FAM234A: variants seen among roughly 807,000 people sequenced by gnomAD.
The protein encoded by FAM234A is family with sequence similarity 234 member A.
In FAM234A, 42 loss-of-function variants were observed where a neutral mutation model predicts 49.1. The ratio of observed to expected loss-of-function variants is 0.86; its 90% CI spans 0.67 to 1.11. The LOEUF is 1.11. Among genes scored for constraint, FAM234A ranks in the 50% least tolerant of loss-of-function variants. The pLI, the probability that FAM234A is intolerant of heterozygous loss-of-function variation, is 0.00. For missense variants in FAM234A, 815 were observed against 745.2 expected, an observed-to-expected ratio of 1.09 and a Z score of -1.09; for synonymous variants, 369 against 316.2, an observed-to-expected ratio of 1.17 and a Z score of -1.77.
intron 10 of FAM234A, 115 bp from the exon 11 acceptor site, chr16:263,901 C>A: frequency 7.1e-7 from 1 of 1,416,500 alleles, no homozygotes; most frequent in Non-Finnish European, 9.9e-7. Context: ...TTCTGCCTCC[C>A]TCAGAGCATC....
downstream of FAM234A, chr16:269,305 C>T (rs767291709): frequency 2.5e-5 from 40 of 1,590,198 alleles, no homozygotes; most frequent in South Asian, 1.4e-4. Flanking sequence ...GGCCACAAGC[C>T]GCTGTGGGCT....
chr16:262,149 C>G lies in FAM234A; in HGVS notation c.765C>G (p.Ser255Arg). 1 of 1,614,070 alleles carries G rather than the reference C, an allele frequency of 6.2e-7. No individual in the cohort carries two copies. Among genetic ancestry groups the G allele is most frequent in the South Asian group, 1.1e-5 (1 of 91,080 alleles). ...STGHQIGLRG[S>R]LGVDGESGFL... ...GGCACCAGATTGGCCTCAGAGGCAG[C>G]CTTGGTGTGGACGGGGAAAGTGGCT... Residue 255 changes from serine to arginine, a missense_variant, in exon 7 of 13, where the codon AGC becomes AGG. Coordinates refer to ENST00000399932, the MANE Select transcript of FAM234A (RefSeq NM_032039.4).
chr16:264,235 C>A (rs754958364), intron 11 of FAM234A, 64 bp downstream of exon 11: 76 of 1,489,946 alleles, frequency 5.1e-5, no homozygotes, highest in Non-Finnish European at 6.5e-5. Flanking sequence ...GGCTGGAGCT[C>A]CACCGTGGAG....
At chr16:258,804 G>A (rs1011620049) in intron 3 of FAM234A, among the ~76,000 whole-genome samples, 2 of 152,208 alleles carry the variant, frequency 1.3e-5, no homozygotes, top group Non-Finnish European at 2.9e-5. Flanking sequence ...TGTTTTTTGA[G>A]ATGGACTCCA....
downstream of FAM234A, chr16:269,708 G>C (rs2051829430): frequency 1.3e-6 from 1 of 777,542 alleles, no homozygotes; most frequent in Admixed American, 2.6e-5. Flanking sequence ...GGCGGACAGG[G>C]TGCTGGAGGC....
At chr16:260,203 C>T (rs1485524936) in intron 5 of FAM234A, 43 bp downstream of exon 5, 3 of 1,566,096 alleles carry the variant, frequency 1.9e-6, no homozygotes, top group African/African-American at 2.7e-5. Flanking sequence ...GGGCCTCTCA[C>T]CTGAGCCACC....
At chr16:261,630 G>C (rs1025498450) in intron 6 of FAM234A, 116 bp downstream of exon 6, 2 of 1,293,200 alleles carry the variant, frequency 1.5e-6, no homozygotes, top group Non-Finnish European at 2.1e-6. Context: ...CCACTTGCCG[G>C]GGACTCGCCC....
chr16:244,217 C>A, intron 1 of FAM234A, among the ~76,000 whole-genome samples: 1 of 152,162 alleles, frequency 6.6e-6, no homozygotes, highest in Non-Finnish European at 1.5e-5. Context: ...ATCCACCCGC[C>A]TTGGCCTCCC....
intron 2 of FAM234A, among the ~76,000 whole-genome samples, chr16:252,039 T>C (rs1049951466): frequency 2.7e-5 from 4 of 149,758 alleles, no homozygotes; most frequent in African/African-American, 9.8e-5. Flanking sequence ...GTCTCTCTGT[T>C]GCCCAGGCTA....
intron 11 of FAM234A, 151 bp downstream of exon 11, chr16:264,322 G>A (rs779501759): frequency 2.7e-5 from 25 of 931,462 alleles, no homozygotes; most frequent in Non-Finnish European, 3.9e-5. Context: ...GGTGGTGCAA[G>A]CTGAGGCAAA....
chr16:238,636 G>A (rs1325721407), intron 1 of FAM234A, among the ~76,000 whole-genome samples: 3 of 151,358 alleles, frequency 2.0e-5, no homozygotes, highest in Non-Finnish European at 2.9e-5. Context: ...CGTGGTGACG[G>A]GTGCCTGTAG....
chr16:238,050 G>A (rs1340121171), intron 1 of FAM234A, among the ~76,000 whole-genome samples: 1 of 147,700 alleles, frequency 6.8e-6, no homozygotes, highest in Admixed American at 6.7e-5. Flanking sequence ...ATGGATTCTC[G>A]CTCTGTTGCC....
At position 263,681 on chromosome 16, in the gene FAM234A, T is replaced by C. The variant is rs769418862; in HGVS notation, c.1113-19T>C. Reference sequence around the variant, plus strand: ...CCTCACTGAGACCCCTCGTGAGCGCTTCCTCCATATTGTTCCAGAAAACCC... The same window carrying C: ...CCTCACTGAGACCCCTCGTGAGCGCCTCCTCCATATTGTTCCAGAAAACCC... On this transcript the variant is annotated intron_variant, in intron 9 of 12. Coordinates refer to ENST00000399932, the MANE Select transcript of FAM234A (RefSeq NM_032039.4). The C allele has an allele frequency of 8.1e-6, 13 of 1,602,862 alleles. No homozygotes were observed. The highest frequency in any genetic ancestry group is 2.7e-5 in the African/African-American group (2 of 74,700).
rs1157022145 is a variant in FAM234A, at chr16:254,447, C to T, written c.34C>T (p.His12Tyr). The change falls in exon 3 of 13, where the codon CAC becomes TAC. Residue 12 changes from histidine (H) to tyrosine (Y), a missense_variant. Physicochemically the swap from His to Tyr is moderately conservative, Grantham distance 83. Transcript: ENST00000399932. Reference protein sequence around the residue: ...LDHKDLEAEIHPLKNEERKSQ... With the variant: ...LDHKDLEAEIYPLKNEERKSQ... ...CCACAAGGACTTAGAGGCCGAAATC[C>T]ACCCCTTGAAAAATGAAGAAAGAAA... 63 of 1,614,032 alleles carry T rather than the reference C, an allele frequency of 3.9e-5. No individual in the cohort carries two copies. The highest frequency in any genetic ancestry group is 5.3e-5 in the Non-Finnish European group (63 of 1,180,030).
chr16:237,503 C>A (rs2050445913), intron 1 of FAM234A, among the ~76,000 whole-genome samples: 1 of 151,960 alleles, frequency 6.6e-6, no homozygotes, highest in Non-Finnish European at 1.5e-5. Context: ...TGGACCAGGG[C>A]TGGAGGATCT....
chr16:259,666 C>A, intron 4 of FAM234A, 67 bp downstream of exon 4: 1 of 1,014,724 alleles, frequency 9.9e-7, no homozygotes, highest in Non-Finnish European at 1.5e-6. Context: ...TTTGGGTCAC[C>A]CTCTCGCTTT....
chr16:264,154 G>A lies in FAM234A; in HGVS notation c.1327G>A (p.Gly443Arg), dbSNP rs1290795132. 1 of 1,604,336 alleles carries A rather than the reference G, an allele frequency of 6.2e-7. No homozygotes were observed. The highest frequency in any genetic ancestry group is 8.5e-7 in the Non-Finnish European group (1 of 1,178,720). The change falls in exon 11 of 13, where the codon GGG (glycine) becomes AGG (arginine). Residue 443 changes from glycine (G) to arginine (R), a missense_variant. Coordinates refer to ENST00000399932, the MANE Select transcript of FAM234A (RefSeq NM_032039.4). Reference sequence around the variant, plus strand: ...CTTCTTCTGGGGCCTCCACGAGCTGGGGAGCACCAGCGAGACGGTACGGGA... The same window carrying A: ...CTTCTTCTGGGGCCTCCACGAGCTGAGGAGCACCAGCGAGACGGTACGGGA... ...AFFFWGLHEL[G>R]STSETETGEA...
At chr16:237,457 G>A (rs888283952) in intron 1 of FAM234A, among the ~76,000 whole-genome samples, 1 of 151,926 alleles carries the variant, frequency 6.6e-6, no homozygotes, top group African/African-American at 2.4e-5. Flanking sequence ...TTTTTCTAGA[G>A]GTCGAAAATT....
intron 11 of FAM234A, among the ~76,000 whole-genome samples, chr16:264,375 G>A (rs1048827192): frequency 9.2e-5 from 14 of 152,234 alleles, no homozygotes; most frequent in Non-Finnish European, 1.6e-4. Context: ...GATGGCCTTC[G>A]GTGGATAGGG....
Sources: allele counts gnomAD v4.1 joint callset (sites outside exome capture counted in the v4.1 genomes callset), GRCh38; gene constraint gnomAD v4.1.1; transcripts MANE v1.5; gene names NCBI Gene and HGNC (gene_info 2026-07-23, HGNC 2026-07-21).